Variants in MED17 observed in about 807,000 individuals in gnomAD.
MED17 encodes the protein mediator of RNA polymerase II transcription subunit 17.
MED17 carries 49 observed loss-of-function variants against 80.8 expected under a neutral mutation model. That is an observed-to-expected ratio of 0.61 (90% CI 0.48 to 0.77). The LOEUF (loss-of-function observed/expected upper bound fraction) is 0.77, where lower values mean the gene tolerates loss of function less well. Among genes scored for constraint, MED17 ranks in the 30% least tolerant of loss-of-function variants. The probability of loss-of-function intolerance (pLI) is 0.00; values close to 1 mark genes in which losing one functional copy is unlikely to be tolerated. For synonymous variants in MED17, 281 were observed against 280.4 expected (o/e 1.00, Z -0.02); for missense variants, 718 against 787.0 (o/e 0.91, Z 1.05).
rs1397720183 is a variant in MED17, at chr11:93,793,743, A to G, written c.653A>G (p.His218Arg). 8 of 1,576,404 alleles carry G rather than the reference A, an allele frequency of 5.1e-6. No individual in the cohort carries two copies. The highest frequency in any genetic ancestry group is 6.1e-6 in the Non-Finnish European group (7 of 1,147,422). ...SYRSAGSLFP[H>R]HGTFEVIKNT... ...ACAACATTAGGATCTCTCTTTCCTC[A>G]TCATGGTACATTTGAAGTAATAAAG... Residue 218 changes from histidine to arginine, a missense_variant, in exon 4 of 12, where the codon CAT becomes CGT. Transcript: ENST00000251871.
intron 9 of MED17, among the ~76,000 whole-genome samples, chr11:93,802,494 T>C (rs1356926798): frequency 6.6e-6 from 1 of 152,176 alleles, no homozygotes; most frequent in Non-Finnish European, 1.5e-5. Context: ...TAACAATGTC[T>C]AAAAACTAGT....
At position 93,811,839 on chromosome 11, in the gene MED17, G is replaced by T. The variant is rs745781630; in HGVS notation, c.1745-14G>T. 31 of 1,612,852 alleles carry T rather than the reference G, an allele frequency of 1.9e-5. No individual in the cohort carries two copies. Among genetic ancestry groups the T allele is most frequent in the Non-Finnish European group, 2.5e-5 (29 of 1,179,052 alleles). The stretch of plus-strand genomic sequence containing the variant: ...TAAACTAGAGTGTATTGATATTTTG[G>T]TTTTTCTCCACAGTTCGTAATGGAC... On this transcript the variant is annotated splice_polypyrimidine_tract_variant and intron_variant, in intron 11 of 11. Coordinates refer to ENST00000251871, the MANE Select transcript of MED17 (RefSeq NM_004268.5).
chr11:93,805,399 A>G (rs773683000), intron 9 of MED17, among the ~76,000 whole-genome samples: 11 of 152,276 alleles, frequency 7.2e-5, no homozygotes, highest in Non-Finnish European at 1.3e-4. Flanking sequence ...CCTGGCCAAC[A>G]TGATGAAACC....
chr11:93,786,303 C>G (rs1203824277), intron 1 of MED17, among the ~76,000 whole-genome samples: 3 of 152,022 alleles, frequency 2.0e-5, no homozygotes, highest in African/African-American at 7.2e-5. Context: ...TTACTAGGGA[C>G]TGGGAAATTA....
intron 9 of MED17, among the ~76,000 whole-genome samples, chr11:93,803,662 T>C (rs1045526841): frequency 6.6e-6 from 1 of 152,138 alleles, no homozygotes; most frequent in African/African-American, 2.4e-5. Flanking sequence ...TTTGCCCTCC[T>C]ACTGTTTGTG....
chr11:93,796,268 T>C lies in MED17; in HGVS notation c.1013-142T>C, dbSNP rs687042. 0.85 allele frequency: 736,888 copies of C among 862,072 alleles called. 319,075 individuals are homozygous for C. The highest frequency in any genetic ancestry group is 0.89 in the Admixed American group (42,887 of 47,968). 53.4% of individuals were successfully genotyped at this position (862,072 alleles called of 1,614,324 possible). A position where few individuals can be genotyped will look rare whatever the true frequency, so the allele number is the denominator to read the frequency against. ...ACCCGGCCAAATAGTAATCTTGATA[T>C]ACAGATGTTAATCATGAGGTCTGAT... is the stretch of plus-strand genomic sequence containing the variant. On this transcript the variant is annotated intron_variant, in intron 6 of 11. Transcript: ENST00000251871.
At chr11:93,802,054 GT>G in intron 9 of MED17, 82 bp downstream of exon 9, 1 of 1,320,788 alleles carries the variant, frequency 7.6e-7, no homozygotes, top group Non-Finnish European at 1.1e-6. Context: ...TAAGCATTTG[GT>G]TTTTATTTGC....
intron 9 of MED17, among the ~76,000 whole-genome samples, chr11:93,803,989 ATATGTGTG>A (rs1371014525): frequency 0.086 from 1,837 of 21,464 alleles, 54 homozygotes; most frequent in Middle Eastern, 0.12. Context: ...GTGTGTGTAT[ATATGTGTG>A]TGTATATATA....
Position 93,788,267 on chromosome 11 carries a change from A to G in MED17, c.417+100A>G, listed in dbSNP as rs975210347. ...TTGTTCCATTTTCCTTTCTTGCAAA[A>G]TTAAGTCCAGATGAAGATTTAAAGA... On this transcript the variant is annotated intron_variant, in intron 2 of 11. Transcript: ENST00000251871. The G allele has an allele frequency of 5.0e-6, 5 of 999,662 alleles. No homozygotes were observed. In the African/African-American group the frequency reaches 8.1e-5, roughly 16 times the overall value. 61.9% of individuals were successfully genotyped at this position (999,662 alleles called of 1,614,324 possible).
chr11:93,784,766 A>G lies in MED17; in HGVS notation c.250+3A>G, dbSNP rs772215905. On this transcript the variant is annotated splice_donor_region_variant and intron_variant, in intron 1 of 11. Coordinates refer to ENST00000251871, the MANE Select transcript of MED17 (RefSeq NM_004268.5). ...CGCAGACCAGGACGACGAGGAAGGT[A>G]AGGCCTGCATCCGCTGCCCGAGTCC... 3 of 1,537,884 alleles carry G rather than the reference A, an allele frequency of 2.0e-6. No individual in the cohort carries two copies. In the South Asian group the frequency reaches 3.6e-5, roughly 18 times the overall value.
Position 93,784,295 on chromosome 11 carries a change from A to C in MED17, c.-219A>C. The C allele has an allele frequency of 1.6e-6, 1 of 625,086 alleles. No homozygotes were observed. The highest frequency in any genetic ancestry group is 2.7e-6 in the Non-Finnish European group (1 of 374,234). The allele number at this position is 625,086 out of a possible 1,614,324, so 38.7% of individuals were successfully genotyped here. A position where few individuals can be genotyped will look rare whatever the true frequency, so the allele number is the denominator to read the frequency against. On this transcript the variant is annotated 5_prime_UTR_variant, in exon 1 of 12. Coordinates refer to ENST00000251871, the MANE Select transcript of MED17 (RefSeq NM_004268.5). Reference sequence around the variant, plus strand: ...CCGCGCCTGCCCAGTTTTGCTCCGAAAGACTTACCGAGGAGGGAGCTTGCG... The same window carrying C: ...CCGCGCCTGCCCAGTTTTGCTCCGACAGACTTACCGAGGAGGGAGCTTGCG...
chr11:93,801,451 C>A, intron 8 of MED17: 1 of 215,954 alleles, frequency 4.6e-6, no homozygotes, highest in South Asian at 7.6e-5. Flanking sequence ...CATTTGTTAC[C>A]AGGGATCAAG....
intron 8 of MED17, 129 bp from the exon 9 acceptor site, chr11:93,801,706 C>A: frequency 1.2e-6 from 1 of 826,528 alleles, no homozygotes. Flanking sequence ...TATTTAAAGT[C>A]TGCCTACACA....
chr11:93,795,450 C>T (rs141609366), intron 6 of MED17: 5 of 223,390 alleles, frequency 2.2e-5, no homozygotes, highest in African/African-American at 7.0e-5. Context: ...CCTGTCATCC[C>T]AGCACTATGG....
At position 93,797,709 on chromosome 11, in the gene MED17, C is replaced by A. The variant is rs571873238; in HGVS notation, c.1318C>A (p.Leu440Ile). Reference protein sequence around the residue: ...KIIKQAKHIFLRSRAAATIDS... With the variant: ...KIIKQAKHIFIRSRAAATIDS... ...AATTAAACAAGCAAAGCATATTTTT[C>A]TAAGGAGTAGGTAAGGTTGAAGAAA... The change falls in exon 8 of 12, where the codon CTA becomes ATA. Residue 440 changes from leucine to isoleucine, a missense_variant. Physicochemically the swap from Leu to Ile is conservative, Grantham distance 5 (BLOSUM62 2). Transcript: ENST00000251871. 3.1e-6 allele frequency: 5 copies of A among 1,612,474 alleles called. No individual in the cohort carries two copies. In the South Asian group the frequency reaches 5.5e-5, roughly 18 times the overall value.
chr11:93,809,583 A>C (rs1364123801), intron 10 of MED17, 134 bp from the exon 11 acceptor site: 1 of 894,740 alleles, frequency 1.1e-6, no homozygotes, highest in Non-Finnish European at 1.8e-6. Flanking sequence ...GCACAGGAGG[A>C]TTCCTCAGAC....
rs776485596 is a variant in MED17, at chr11:93,809,697, G to A, written c.1585-20G>A. On this transcript the variant is annotated intron_variant, in intron 10 of 11. Transcript: ENST00000251871. ...GATATCTCTGCTGACTGTCAGTCAAGTGTCCTTTTTCATTCACAGATGTCA... is the reference window on the plus strand; with the variant it reads ...GATATCTCTGCTGACTGTCAGTCAAATGTCCTTTTTCATTCACAGATGTCA... 1.2e-6 allele frequency: 2 copies of A among 1,614,024 alleles called. No homozygotes were observed. Among genetic ancestry groups the A allele is most frequent in the Non-Finnish European group, 8.5e-7 (1 of 1,179,930 alleles).
Position 93,793,866 on chromosome 11 carries a change from T to G in MED17, c.774+2T>G. On this transcript the variant is annotated splice_donor_variant, in intron 4 of 11. Transcript: ENST00000251871. LOFTEE classifies it high-confidence loss of function. Reference sequence around the variant, plus strand: ...TTAGAGGGGTCTGCATATATCAAGGTATTTGTCAAAATATTTTTCAAGTAA... The same window carrying G: ...TTAGAGGGGTCTGCATATATCAAGGGATTTGTCAAAATATTTTTCAAGTAA... The G allele has an allele frequency of 6.2e-7, 1 of 1,613,594 alleles. No individual in the cohort carries two copies. The highest frequency in any genetic ancestry group is 8.5e-7 in the Non-Finnish European group (1 of 1,179,556).
At chr11:93,784,931 A>G (rs1943753109) in intron 1 of MED17, 168 bp downstream of exon 1, 2 of 978,196 alleles carry the variant, frequency 2.0e-6, no homozygotes, top group Non-Finnish European at 3.0e-6. Context: ...GCTGCCGGAC[A>G]AGGTAGGACA....
Sources: gnomAD v4.1 joint callset for allele counts (sites outside exome capture counted in the v4.1 genomes callset) on GRCh38, gnomAD v4.1.1 for gene constraint, MANE v1.5 for transcripts, NCBI Gene and HGNC (gene_info 2026-07-23, HGNC 2026-07-21) for gene names.